CHRM5: variants seen among roughly 807,000 people sequenced by gnomAD.
CHRM5 encodes cholinergic receptor muscarinic 5.
In CHRM5, 18 loss-of-function variants were observed where a neutral mutation model predicts 39.0. The ratio of observed to expected loss-of-function variants is 0.46; its 90% CI spans 0.32 to 0.68. The LOEUF (loss-of-function observed/expected upper bound fraction) is 0.68. Among genes scored for constraint, CHRM5 ranks in the 30% least tolerant of loss-of-function variants. CHRM5 has a pLI of 0.04. For missense variants in CHRM5, 515 were observed against 651.1 expected (o/e 0.79, Z 2.28); for synonymous variants, 241 against 246.3 (o/e 0.98, Z 0.20).
At chr15:34,040,558 G>A (rs1424700529) in intron 1 of CHRM5, among the ~76,000 whole-genome samples, 2 of 152,142 alleles carry the variant, frequency 1.3e-5, no homozygotes, top group Non-Finnish European at 2.9e-5. Context: ...ACTAATAGCT[G>A]GCCTACGAGG....
At chr15:34,050,730 C>A (rs181795133) in intron 2 of CHRM5, among the ~76,000 whole-genome samples, 3 of 152,080 alleles carry the variant, frequency 2.0e-5, no homozygotes, top group Admixed American at 2.0e-4. Flanking sequence ...GACTTTAAAC[C>A]AATAAGATCA....
intron 2 of CHRM5, among the ~76,000 whole-genome samples, chr15:34,049,504 G>T (rs1899850785): frequency 6.6e-6 from 1 of 151,998 alleles, no homozygotes; most frequent in Non-Finnish European, 1.5e-5. Flanking sequence ...CAAGAATGGA[G>T]AAAAAAAGAA....
At chr15:34,002,028 TAAAG>T (rs991822631) in intron 1 of CHRM5, among the ~76,000 whole-genome samples, 1 of 152,200 alleles carries the variant, frequency 6.6e-6, no homozygotes, top group African/African-American at 2.4e-5. Context: ...CACACAGTTA[TAAAG>T]AAATAATACA....
intron 1 of CHRM5, among the ~76,000 whole-genome samples, chr15:33,971,168 A>G (rs1895622234): frequency 6.6e-6 from 1 of 152,072 alleles, no homozygotes; most frequent in East Asian, 1.9e-4. Flanking sequence ...GTTTATTTAT[A>G]ACAACTTTTC....
chr15:34,016,290 A>G (rs1897908878), intron 1 of CHRM5, among the ~76,000 whole-genome samples: 1 of 152,234 alleles, frequency 6.6e-6, no homozygotes. Flanking sequence ...TAGGTTCTGC[A>G]TTAGAATGAA....
chr15:34,023,333 A>G (rs1898294954), intron 1 of CHRM5, among the ~76,000 whole-genome samples: 1 of 152,240 alleles, frequency 6.6e-6, no homozygotes, highest in South Asian at 2.1e-4. Flanking sequence ...TGCTATCAGC[A>G]AAAGAAATAG....
chr15:34,004,163 A>C (rs1897242170), intron 1 of CHRM5, among the ~76,000 whole-genome samples: 1 of 152,232 alleles, frequency 6.6e-6, no homozygotes, highest in African/African-American at 2.4e-5. Flanking sequence ...ACAAAATCTT[A>C]ATTCAATAGA....
In CHRM5 at chr15:33,980,432, C is replaced by T. The variant is rs547087776; in HGVS notation, c.-408+11282C>T. 1.1e-4 allele frequency among the ~76,000 whole-genome samples: 17 copies of T among 152,328 alleles called. 1 individual carries two copies. In the South Asian group the frequency reaches 2.7e-3, roughly 24 times the overall value. On this transcript the variant is annotated intron_variant, in intron 1 of 2. Coordinates refer to ENST00000383263, the MANE Select transcript of CHRM5 (RefSeq NM_012125.4). The stretch of plus-strand genomic sequence containing the variant: ...AAGGCTGTTATAGTACCGTCCCACA[C>T]ATGAACTCTCCAAACGTGCTGCCTC...
intron 2 of CHRM5, among the ~76,000 whole-genome samples, chr15:34,054,846 A>C (rs781742060): frequency 2.9e-4 from 44 of 151,854 alleles, no homozygotes; most frequent in Non-Finnish European, 4.9e-4. Flanking sequence ...CTTAAGATAA[A>C]TGTTGGGAAA....
chr15:33,974,029 A>G (rs1895762323), intron 1 of CHRM5, among the ~76,000 whole-genome samples: 3 of 152,204 alleles, frequency 2.0e-5, no homozygotes, highest in Non-Finnish European at 4.4e-5. Flanking sequence ...AGGAGATAAT[A>G]TCTGTTAGGG....
intron 1 of CHRM5, among the ~76,000 whole-genome samples, chr15:34,019,767 G>C (rs1003993353): frequency 2.6e-5 from 4 of 152,260 alleles, no homozygotes; most frequent in African/African-American, 9.6e-5. Context: ...ATACCGCCTG[G>C]GTGTACAGTA....
chr15:34,008,947 C>CGT (rs1451660209), intron 1 of CHRM5, among the ~76,000 whole-genome samples: 8 of 25,690 alleles, frequency 3.1e-4, no homozygotes, highest in African/African-American at 4.0e-4. Flanking sequence ...CTCACACGTG[C>CGT]GCGCGCGCAC....
In CHRM5 at chr15:34,064,291, G is replaced by A; in HGVS notation, c.1574G>A (p.Trp525Ter). 6.2e-7 allele frequency: 1 copy of A among 1,613,668 alleles called. No individual in the cohort carries two copies. The highest frequency in any genetic ancestry group is 1.1e-5 in the South Asian group (1 of 90,992). The change falls in exon 3 of 3, where the codon TGG becomes TAG. Residue 525 changes from tryptophan to a stop codon, truncating the protein, a stop_gained. Transcript: ENST00000383263. LOFTEE classifies it high-confidence loss of function. ...KKKKVEEKLY[W>*]QGNSKLP is the part of the protein sequence containing the mutation. ...AAAAAAGTGGAAGAGAAGTTGTACT[G>A]GCAGGGGAACAGCAAGCTACCCTGA...
At chr15:33,982,729 A>G (rs1896209029) in intron 1 of CHRM5, among the ~76,000 whole-genome samples, 1 of 152,188 alleles carries the variant, frequency 6.6e-6, no homozygotes, top group Non-Finnish European at 1.5e-5. Context: ...GTTATGTTGT[A>G]CATCCAAATA....
At position 33,985,843 on chromosome 15, in the gene CHRM5, T is replaced by C. The variant is rs555563384; in HGVS notation, c.-408+16693T>C. Among the ~76,000 whole-genome samples, 5 of 152,226 alleles carry C rather than the reference T, an allele frequency of 3.3e-5. 1 individual carries two copies. In the South Asian group the frequency reaches 8.4e-4, roughly 26 times the overall value. On this transcript the variant is annotated intron_variant, in intron 1 of 2. Coordinates refer to ENST00000383263, the MANE Select transcript of CHRM5 (RefSeq NM_012125.4). ...TTAATTTCTAGGAAATGTTCAAAAA[T>C]AGAAGTTCAAGAAATGTTCAGTGAA...
At chr15:34,062,566 A>AC in intron 2 of CHRM5, 77 bp from the exon 3 acceptor site, 2 of 681,092 alleles carry the variant, frequency 2.9e-6, no homozygotes, top group Non-Finnish European at 4.7e-6. Flanking sequence ...AAAAAAAAAA[A>AC]AAAAAAAACT....
At chr15:34,056,164 A>G (rs1900141120) in intron 2 of CHRM5, among the ~76,000 whole-genome samples, 1 of 152,234 alleles carries the variant, frequency 6.6e-6, no homozygotes, top group African/African-American at 2.4e-5. Flanking sequence ...GAGGGCTAAA[A>G]TTAATAGTTT....
chr15:34,057,287 C>A (rs1900192219), intron 2 of CHRM5, among the ~76,000 whole-genome samples: 1 of 141,914 alleles, frequency 7.0e-6, no homozygotes, highest in African/African-American at 2.6e-5. Context: ...TAGGCACATG[C>A]CACCACGCCC....
chr15:34,038,716 GCGGCCT>G, intron 1 of CHRM5: 1 of 1,120,412 alleles, frequency 8.9e-7, no homozygotes, highest in Non-Finnish European at 1.1e-6. Flanking sequence ...CTCTTGACTG[GCGGCCT>G]CGGCCCCACT....
Sources: gnomAD v4.1 joint callset for allele counts (sites outside exome capture counted in the v4.1 genomes callset) on GRCh38, gnomAD v4.1.1 for gene constraint, MANE v1.5 for transcripts, NCBI Gene and HGNC (gene_info 2026-07-23, HGNC 2026-07-21) for gene names.